INIP: variants seen among roughly 807,000 people sequenced by gnomAD.
INIP encodes INTS3 and NABP interacting protein.
INIP carries 9 observed loss-of-function variants against 14.0 expected under a neutral mutation model. The observed-to-expected ratio is 0.64, with a 90% CI of 0.39 to 1.12. The LOEUF (loss-of-function observed/expected upper bound fraction) is 1.12. Ranked by LOEUF, INIP falls within the 50% of genes most tolerant of loss-of-function variation. The probability of loss-of-function intolerance (pLI) is 0.01; values close to 1 mark genes in which losing one functional copy is unlikely to be tolerated. For synonymous variants in INIP, 37 were observed against 41.5 expected, an observed-to-expected ratio of 0.89 and a Z score of 0.41; for missense variants, 78 against 122.7, an observed-to-expected ratio of 0.64 and a Z score of 1.72.
chr9:112,690,286 T>C (rs1177202383), intron 3 of INIP, among the ~76,000 whole-genome samples: 1 of 150,942 alleles, frequency 6.6e-6, no homozygotes, highest in Non-Finnish European at 1.5e-5. Context: ...AGCCCAGGAG[T>C]TCAAGACCAG....
At chr9:112,700,303 T>C (rs1463598602) in intron 2 of INIP, among the ~76,000 whole-genome samples, 1 of 152,058 alleles carries the variant, frequency 6.6e-6, no homozygotes, top group African/African-American at 2.4e-5. Flanking sequence ...AACTACTTCA[T>C]GTGGTGTCCA....
chr9:112,691,261 T>A (rs1837876608), intron 3 of INIP, among the ~76,000 whole-genome samples: 2 of 152,222 alleles, frequency 1.3e-5, no homozygotes, highest in African/African-American at 4.8e-5. Context: ...TGCTTGGAGA[T>A]GAAAGTGAAA....
At chr9:112,700,538 T>TATATATATATATATATATATATA (rs112196431) in intron 2 of INIP, among the ~76,000 whole-genome samples, 3 of 122,212 alleles carry the variant, frequency 2.5e-5, no homozygotes, top group African/African-American at 1.1e-4. Flanking sequence ...TATATATATA[T>TATATATATATATATATATATATA]TATATATACC....
intron 2 of INIP, among the ~76,000 whole-genome samples, chr9:112,699,211 G>C (rs570204540): frequency 2.6e-5 from 4 of 151,414 alleles, no homozygotes; most frequent in African/African-American, 9.7e-5. Flanking sequence ...TAGTCCCAGT[G>C]ACTCAGGAGG....
intron 2 of INIP, among the ~76,000 whole-genome samples, chr9:112,709,216 C>T (rs1838573450): frequency 6.6e-6 from 1 of 151,982 alleles, no homozygotes; most frequent in Non-Finnish European, 1.5e-5. Flanking sequence ...CTCACAGGCC[C>T]TTTTCATTTA....
At chr9:112,702,577 T>C (rs1838333586) in intron 2 of INIP, among the ~76,000 whole-genome samples, 1 of 151,964 alleles carries the variant, frequency 6.6e-6, no homozygotes, top group African/African-American at 2.4e-5. Context: ...TATTTATTTA[T>C]TTTTTTTAGA....
At chr9:112,698,857 CT>C (rs1564230332) in intron 2 of INIP, among the ~76,000 whole-genome samples, 2 of 152,108 alleles carry the variant, frequency 1.3e-5, no homozygotes, top group African/African-American at 4.8e-5. Flanking sequence ...ATATAATAGC[CT>C]TCTTTCCCTC....
At chr9:112,695,461 T>C (rs1315994338) in intron 2 of INIP, among the ~76,000 whole-genome samples, 1 of 151,936 alleles carries the variant, frequency 6.6e-6, no homozygotes, top group African/African-American at 2.4e-5. Context: ...CTTTTTCCTC[T>C]CCTTGGGAGA....
In INIP at chr9:112,686,644, G is replaced by A. The variant is rs1456033462; in HGVS notation, c.*894C>T. 1 of 152,250 alleles carries A rather than the reference G, an allele frequency of 6.6e-6. No homozygotes were observed. The highest frequency in any genetic ancestry group is 2.4e-5 in the African/African-American group (1 of 41,426). 9.4% of individuals were successfully genotyped at this position (152,250 alleles called of 1,614,324 possible). On this transcript the variant is annotated 3_prime_UTR_variant, in exon 5 of 5. Coordinates refer to ENST00000374242, the MANE Select transcript of INIP (RefSeq NM_021218.3). ...CCTGAGTAGCTGGGATTACAGGCGT[G>A]TGCCACCACACATGGCTAATTTTTT...
intron 2 of INIP, among the ~76,000 whole-genome samples, chr9:112,715,084 C>T (rs1838761285): frequency 6.6e-6 from 1 of 151,248 alleles, no homozygotes; most frequent in Non-Finnish European, 1.5e-5. Flanking sequence ...ATTCTAGAAT[C>T]ACAAATAAAG....
rs1249870295 is a variant in INIP at position 112,684,086 on chromosome 9, T to G, written c.*3452A>C. 1 of 152,228 alleles carries G rather than the reference T, an allele frequency of 6.6e-6. No homozygotes were observed. Among genetic ancestry groups the G allele is most frequent in the Non-Finnish European group, 1.5e-5 (1 of 68,038 alleles). 9.4% of individuals were successfully genotyped at this position (152,228 alleles called of 1,614,324 possible). The stretch of plus-strand genomic sequence containing the variant: ...TCAAGTCTATAAATTCTTTCATTCC[T>G]TCAACATATTGAACACCTACTATAT... On this transcript the variant is annotated 3_prime_UTR_variant, in exon 5 of 5. Coordinates refer to ENST00000374242, the MANE Select transcript of INIP (RefSeq NM_021218.3).
At chr9:112,716,147 A>G (rs988766490) in intron 2 of INIP, among the ~76,000 whole-genome samples, 1 of 152,168 alleles carries the variant, frequency 6.6e-6, no homozygotes, top group Non-Finnish European at 1.5e-5. Flanking sequence ...ATCTCGGCTC[A>G]CTGCAACCTC....
intron 2 of INIP, among the ~76,000 whole-genome samples, chr9:112,695,802 GAGGAGGAGAAGAAGA>G (rs1207158134): frequency 6.8e-5 from 10 of 148,032 alleles, no homozygotes; most frequent in East Asian, 2.1e-4. Context: ...GGGGGAGGAG[GAGGAGGAGAAGAAGA>G]AGGAGAAGAA....
At chr9:112,689,327 A>G (rs928950534) in intron 4 of INIP, among the ~76,000 whole-genome samples, 200 bp downstream of exon 4, 2 of 152,090 alleles carry the variant, frequency 1.3e-5, no homozygotes, top group Non-Finnish European at 2.9e-5. Context: ...TGACCGAGTC[A>G]ACACCATAAA....
chr9:112,698,412 G>A lies in INIP; in HGVS notation c.26-4179C>T, dbSNP rs114027030. On this transcript the variant is annotated intron_variant, in intron 2 of 4. Coordinates refer to ENST00000374242, the MANE Select transcript of INIP (RefSeq NM_021218.3). ...CCATAATTTTCCCCAAATGTCTGCC[G>A]CTCTGAAAACTTCAACTATCTTAAT... 2.5e-3 allele frequency among the ~76,000 whole-genome samples: 381 copies of A among 150,686 alleles called. 2 individuals carry two copies. Among genetic ancestry groups the A allele is most frequent in the African/African-American group, 9.0e-3 (369 of 41,032 alleles).
chr9:112,695,851 A>C (rs1475637547), intron 2 of INIP, among the ~76,000 whole-genome samples: 6 of 151,052 alleles, frequency 4.0e-5, no homozygotes, highest in Non-Finnish European at 8.8e-5. Context: ...GAGAAGAAGA[A>C]GGAGAAGAAG....
intron 2 of INIP, among the ~76,000 whole-genome samples, chr9:112,703,220 A>G (rs1184351788): frequency 6.6e-6 from 1 of 152,210 alleles, no homozygotes; most frequent in Non-Finnish European, 1.5e-5. Flanking sequence ...GATAGTGTTC[A>G]TGGTCAATGC....
At chr9:112,691,441 G>A (rs1474327580) in intron 3 of INIP, among the ~76,000 whole-genome samples, 3 of 152,176 alleles carry the variant, frequency 2.0e-5, no homozygotes, top group African/African-American at 7.2e-5. Context: ...GGACATCAAA[G>A]TAGAGACATC....
Position 112,684,178 on chromosome 9 carries a change from G to GAGAA in INIP, c.*3356_*3359dup, listed in dbSNP as rs1289286948. 2.6e-5 allele frequency: 4 copies of GAGAA among 152,176 alleles called. No individual in the cohort carries two copies. Among genetic ancestry groups the GAGAA allele is most frequent in the African/African-American group, 9.7e-5 (4 of 41,444 alleles). The allele number at this position is 152,176 out of a possible 1,614,324, so 9.4% of individuals were successfully genotyped here. On this transcript the variant is annotated 3_prime_UTR_variant, in exon 5 of 5. Transcript: ENST00000374242. ...AAAGAGGAAGAAAGGAAAGGAGGAAGAGAAAGAAATAAACAAAAATTCTTG... is the reference window on the plus strand; with the variant it reads ...AAAGAGGAAGAAAGGAAAGGAGGAAGAGAAAGAAAGAAATAAACAAAAATTCTTG...
Sources: gnomAD v4.1 joint callset for allele counts (sites outside exome capture counted in the v4.1 genomes callset) on GRCh38, gnomAD v4.1.1 for gene constraint, MANE v1.5 for transcripts, NCBI Gene and HGNC (gene_info 2026-07-23, HGNC 2026-07-21) for gene names.